The following FARP1 variants were observed in gnomAD, a reference collection of about 807,000 sequenced individuals.
FARP1 encodes FERM, ARH/RhoGEF and pleckstrin domain protein 1.
FARP1 carries 52 observed loss-of-function variants against 128.8 expected under a neutral mutation model. The observed-to-expected ratio is 0.40, with a 90% CI of 0.32 to 0.51. FARP1 has a LOEUF of 0.51. Among genes scored for constraint, FARP1 ranks in the 20% least tolerant of loss-of-function variants. FARP1 has a pLI of 0.45. For synonymous variants in FARP1, 580 were observed against 551.8 expected (o/e 1.05, Z -0.72); for missense variants, 1,333 against 1,367.9 (o/e 0.97, Z 0.40).
chr13:98,207,908 C>CCACACACACACACACACACACACA (rs71111934), intron 1 of FARP1, among the ~76,000 whole-genome samples: 3 of 71,608 alleles, frequency 4.2e-5, no homozygotes, highest in African/African-American at 1.8e-4. Flanking sequence ...ACCACCACCT[C>CCACACACACACACACACACACACA]CACACACACA....
intron 2 of FARP1, among the ~76,000 whole-genome samples, chr13:98,324,503 C>G (rs1161038222): frequency 6.6e-6 from 1 of 152,142 alleles, no homozygotes; most frequent in African/African-American, 2.4e-5. Context: ...GTGTTGGAAT[C>G]ATGATTTGAT....
At chr13:98,433,180 A>G (rs913589067) in intron 18 of FARP1, 2 of 152,020 alleles carry the variant, frequency 1.3e-5, no homozygotes, top group African/African-American at 4.8e-5. Flanking sequence ...CGCCCCATGG[A>G]CCCCGCAAAG....
chr13:98,320,531 C>T (rs1886943960), intron 2 of FARP1, among the ~76,000 whole-genome samples: 1 of 152,182 alleles, frequency 6.6e-6, no homozygotes, highest in African/African-American at 2.4e-5. Context: ...GATAACATAA[C>T]ACCTCATGGA....
At position 98,448,794 on chromosome 13, in the gene FARP1, T is replaced by A. The variant is rs1157702394; in HGVS notation, c.*477T>A. ...GCAGCCTTAAGCAAATGAGATCATTTTCAGATTTCATTTTTTTTTTCAGTC... is the reference window on the plus strand; with the variant it reads ...GCAGCCTTAAGCAAATGAGATCATTATCAGATTTCATTTTTTTTTTCAGTC... On this transcript the variant is annotated 3_prime_UTR_variant, in exon 27 of 27. Transcript: ENST00000319562. 1 of 139,974 alleles carries A rather than the reference T, an allele frequency of 7.1e-6. No homozygotes were observed. The highest frequency in any genetic ancestry group is 1.6e-5 in the Non-Finnish European group (1 of 61,738). The allele number at this position is 139,974 out of a possible 1,614,324, so 8.7% of individuals were successfully genotyped here.
rs1889659368 is a variant in FARP1 at position 98,377,851 on chromosome 13, C to G, written c.429C>G (p.Asp143Glu). 1 of 1,613,910 alleles carries G rather than the reference C, an allele frequency of 6.2e-7. No individual in the cohort carries two copies. The highest frequency in any genetic ancestry group is 8.5e-7 in the Non-Finnish European group (1 of 1,179,922). Residue 143 changes from aspartate to glutamate, a missense_variant, in exon 6 of 27, where the codon GAC becomes GAG. Coordinates refer to ENST00000319562, the MANE Select transcript of FARP1 (RefSeq NM_005766.4). ...RYLFALQVKQ[D>E]LAQGRLTCND... Reference sequence around the variant, plus strand: ...TGTTCGCGCTGCAGGTGAAGCAGGACTTGGCTCAAGGCAGGTTGACGTGTA... The same window carrying G: ...TGTTCGCGCTGCAGGTGAAGCAGGAGTTGGCTCAAGGCAGGTTGACGTGTA...
chr13:98,192,515 G>T (rs117430371), intron 1 of FARP1, among the ~76,000 whole-genome samples: 3 of 151,850 alleles, frequency 2.0e-5, no homozygotes, highest in African/African-American at 4.8e-5. Context: ...TCAGCCTTTC[G>T]AGTAGCTGGG....
At position 98,381,263 on chromosome 13, in the gene FARP1, G is replaced by A. The variant is rs138287534; in HGVS notation, c.496+3345G>A. On this transcript the variant is annotated intron_variant, in intron 6 of 26. Coordinates refer to ENST00000319562, the MANE Select transcript of FARP1 (RefSeq NM_005766.4). ...CATAGAGTCTTCTGTGGATTGTGTC[G>A]TGATTTCAATTATTGGTGATTATTG... is the stretch of plus-strand genomic sequence containing the variant. 3.6e-3 allele frequency among the ~76,000 whole-genome samples: 551 copies of A among 152,260 alleles called. 4 individuals carry two copies. Among genetic ancestry groups the A allele is most frequent in the African/African-American group, 0.013 (535 of 41,544 alleles).
At chr13:98,437,330 T>G (rs1369142552) in intron 19 of FARP1, among the ~76,000 whole-genome samples, 5 of 152,174 alleles carry the variant, frequency 3.3e-5, no homozygotes, top group Admixed American at 3.3e-4. Context: ...CGTCTGGAGC[T>G]CCTGTAATCG....
At chr13:98,448,082 CT>C in intron 26 of FARP1, 153 bp from the exon 27 acceptor site, 1 of 670,086 alleles carries the variant, frequency 1.5e-6, no homozygotes, top group Non-Finnish European at 2.7e-6. Context: ...TCAGGAACGC[CT>C]GGGTGCTGGC....
At chr13:98,232,144 G>GT (rs1555329634) in intron 2 of FARP1, among the ~76,000 whole-genome samples, 4 of 111,698 alleles carry the variant, frequency 3.6e-5, no homozygotes, top group African/African-American at 1.7e-4. Context: ...TTGTTTGGTT[G>GT]GTTTTTTTTT....
In FARP1 at chr13:98,396,632, G is replaced by A. The variant is rs1890560701; in HGVS notation, c.1414+1156G>A. 3 of 397,810 alleles carry A rather than the reference G, an allele frequency of 7.5e-6. No homozygotes were observed. In the East Asian group the frequency reaches 1.1e-4, roughly 14 times the overall value. The allele number at this position is 397,810 out of a possible 1,614,324, so 24.6% of individuals were successfully genotyped here. A position where few individuals can be genotyped will look rare whatever the true frequency, so the allele number is the denominator to read the frequency against. ...ATTTTGGACAGGCACATGTTTGAAA[G>A]AGTCTGCCTGACTTCTAAAATCGTT... On this transcript the variant is annotated intron_variant, in intron 13 of 26. Coordinates refer to ENST00000319562, the MANE Select transcript of FARP1 (RefSeq NM_005766.4).
chr13:98,422,831 G>A (rs1031917790), intron 16 of FARP1, among the ~76,000 whole-genome samples: 2 of 152,134 alleles, frequency 1.3e-5, no homozygotes, highest in African/African-American at 2.4e-5. Flanking sequence ...TCGCGTTGCC[G>A]GAGGGTTCTT....
intron 1 of FARP1, chr13:98,177,204 G>A (rs754829186): frequency 6.4e-7 from 1 of 1,573,192 alleles, no homozygotes; most frequent in South Asian, 1.1e-5. Context: ...CTGCTTGGTC[G>A]GCCGTCCTTC....
At chr13:98,314,234 T>C (rs1312080226) in intron 2 of FARP1, among the ~76,000 whole-genome samples, 1 of 150,320 alleles carries the variant, frequency 6.7e-6, no homozygotes, top group African/African-American at 2.4e-5. Flanking sequence ...ACTATATACC[T>C]GGCATTCTGC....
chr13:98,431,235 T>C lies in FARP1; in HGVS notation c.2098T>C (p.Cys700Arg), dbSNP rs201549638. Residue 700 changes from cysteine (C) to arginine (R), a missense_variant, in exon 18 of 27, where the codon TGC becomes CGC. Cys to Arg is a radical substitution (Grantham distance 180, BLOSUM62 -3). Around this residue, in one of 2 missense-constraint regions of FARP1, gnomAD observed 1,009 missense variants for 969.8 expected, o/e 1.04. Coordinates refer to ENST00000319562, the MANE Select transcript of FARP1 (RefSeq NM_005766.4). Reference protein sequence around the residue: ...MHYKQVLERLCKHHPPSHADF... With the variant: ...MHYKQVLERLRKHHPPSHADF... ...CTACAAGCAGGTCCTGGAGCGGCTG[T>C]GCAAACACCACCCGCCGAGCCACGC... 6.3e-7 allele frequency: 1 copy of C among 1,582,280 alleles called. No homozygotes were observed. Among genetic ancestry groups the C allele is most frequent in the South Asian group, 1.1e-5 (1 of 87,630 alleles).
chr13:98,360,775 T>C (rs1272068633), intron 3 of FARP1, among the ~76,000 whole-genome samples: 1 of 152,154 alleles, frequency 6.6e-6, no homozygotes, highest in African/African-American at 2.4e-5. Flanking sequence ...AGAGGTCCAT[T>C]CATTTCAGCC....
intron 3 of FARP1, among the ~76,000 whole-genome samples, chr13:98,362,614 G>A (rs1248462647): frequency 3.9e-5 from 6 of 152,208 alleles, no homozygotes; most frequent in African/African-American, 9.7e-5. Flanking sequence ...TACGCTGGCC[G>A]TCTTATCCTC....
intron 1 of FARP1, among the ~76,000 whole-genome samples, chr13:98,197,704 G>A (rs960681092): frequency 6.6e-6 from 1 of 151,516 alleles, no homozygotes; most frequent in South Asian, 2.1e-4. Context: ...GCGCGATCTA[G>A]GCTCACTGCA....
chr13:98,241,918 A>G (rs1882793833), intron 2 of FARP1, among the ~76,000 whole-genome samples: 1 of 151,852 alleles, frequency 6.6e-6, no homozygotes, highest in Non-Finnish European at 1.5e-5. Flanking sequence ...GACTCTGTCT[A>G]AACAACAGCA....
Sources: allele counts gnomAD v4.1 joint callset (sites outside exome capture counted in the v4.1 genomes callset), GRCh38; gene constraint gnomAD v4.1.1; regional missense constraint gnomAD v4.1.1; transcripts MANE v1.5; gene names NCBI Gene and HGNC (gene_info 2026-07-23, HGNC 2026-07-21).